IARS1: variants seen among roughly 807,000 people sequenced by gnomAD.
IARS1 encodes isoleucine--tRNA ligase, cytoplasmic.
In IARS1, 124 loss-of-function variants were observed where a neutral mutation model predicts 168.2. The ratio of observed to expected loss-of-function variants is 0.74; its 90% CI spans 0.64 to 0.86. The LOEUF is 0.86. Among genes scored for constraint, IARS1 ranks in the 40% least tolerant of loss-of-function variants. The probability of loss-of-function intolerance (pLI) is 0.00; values close to 1 mark genes in which losing one functional copy is unlikely to be tolerated. For synonymous variants in IARS1, 532 were observed against 529.4 expected (o/e 1.00, Z -0.07); for missense variants, 1,452 against 1,515.8 (o/e 0.96, Z 0.70).
At chr9:92,263,593 T>C (rs1295615282) in intron 16 of IARS1, among the ~76,000 whole-genome samples, 1 of 152,188 alleles carries the variant, frequency 6.6e-6, no homozygotes, top group Non-Finnish European at 1.5e-5. Flanking sequence ...CTGCCTCTCT[T>C]ACCTAGTCCT....
chr9:92,253,229 A>G (rs1470569846), intron 21 of IARS1, 133 bp downstream of exon 21: 1 of 669,004 alleles, frequency 1.5e-6, no homozygotes, highest in Non-Finnish European at 2.7e-6. Flanking sequence ...GCAATGTAAA[A>G]GGAAAAGAAA....
At chr9:92,282,518 C>T (rs1259998971) in intron 6 of IARS1, among the ~76,000 whole-genome samples, 3 of 151,958 alleles carry the variant, frequency 2.0e-5, no homozygotes, top group African/African-American at 7.3e-5. Flanking sequence ...TGCCTATAAT[C>T]CTGGCACTTT....
At chr9:92,251,039 A>G (rs1028919891) in intron 22 of IARS1, 16 of 617,836 alleles carry the variant, frequency 2.6e-5, no homozygotes, top group Middle Eastern at 2.6e-4. Context: ...AGAAAAACCC[A>G]AAGCACCTCT....
At chr9:92,272,865 A>C (rs1465571612) in intron 10 of IARS1, among the ~76,000 whole-genome samples, 2 of 33,072 alleles carry the variant, frequency 6.0e-5, no homozygotes, top group Non-Finnish European at 1.2e-4. Flanking sequence ...AAAACAAAAC[A>C]AAAAAAAAAA....
At position 92,271,063 on chromosome 9, in the gene IARS1, C is replaced by A; in HGVS notation, c.1127G>T (p.Ser376Ile). ...AGQYVKDADKSIIRTLKEQGR... is the reference protein window; with the variant it reads ...AGQYVKDADKIIIRTLKEQGR... ...TTGTTCCTTCAAAGTCCTGATGATA[C>A]TTTTGTCAGCATCCTATTAAAAAAA... Residue 376 changes from serine (S) to isoleucine (I), a missense_variant, in exon 12 of 34, where the codon AGT becomes ATT. Ser to Ile is a moderately radical substitution (Grantham distance 142, BLOSUM62 -2). Coordinates refer to ENST00000443024, the MANE Select transcript of IARS1 (RefSeq NM_002161.6). 6.2e-7 allele frequency: 1 copy of A among 1,602,326 alleles called. No homozygotes were observed. Among genetic ancestry groups the A allele is most frequent in the Non-Finnish European group, 8.5e-7 (1 of 1,173,900 alleles).
At chr9:92,271,846 C>G (rs561357410) in intron 10 of IARS1, among the ~76,000 whole-genome samples, 191 bp from the exon 11 acceptor site, 1 of 152,264 alleles carries the variant, frequency 6.6e-6, no homozygotes, top group South Asian at 2.1e-4. Context: ...GTTAGGTCAC[C>G]CAGTCTAGTC....
chr9:92,271,339 T>C (rs960232121), intron 11 of IARS1, among the ~76,000 whole-genome samples, 194 bp downstream of exon 11: 1 of 152,174 alleles, frequency 6.6e-6, no homozygotes, highest in East Asian at 1.9e-4. Context: ...TCTTTCCCCA[T>C]GAAATTTCAG....
intron 30 of IARS1, among the ~76,000 whole-genome samples, chr9:92,233,824 T>C (rs1196874581): frequency 1.3e-5 from 2 of 152,194 alleles, no homozygotes; most frequent in Non-Finnish European, 2.9e-5. Flanking sequence ...TATAGTGGCA[T>C]GATCATGGCT....
chr9:92,245,148 T>A (rs1412943319), intron 26 of IARS1, 77 bp from the exon 27 acceptor site: 2 of 1,121,338 alleles, frequency 1.8e-6, no homozygotes, highest in East Asian at 2.4e-5. Context: ...ATTATGCCCC[T>A]TCTTGATTAA....
chr9:92,244,205 T>C (rs1828854157), intron 27 of IARS1, among the ~76,000 whole-genome samples: 1 of 152,200 alleles, frequency 6.6e-6, no homozygotes. Context: ...AACTGCCCAC[T>C]GTCAGTGTTT....
chr9:92,280,868 A>G lies in IARS1; in HGVS notation c.623T>C (p.Val208Ala), dbSNP rs773967645. 3.4e-5 allele frequency: 55 copies of G among 1,611,446 alleles called. No homozygotes were observed. In the East Asian group the frequency reaches 1.2e-3, roughly 36 times the overall value. Residue 208 changes from valine (V) to alanine (A), a missense_variant, in exon 7 of 34, where the codon GTA becomes GCA. Physicochemically the swap from Val to Ala is moderately conservative, Grantham distance 64 (BLOSUM62 0). Coordinates refer to ENST00000443024, the MANE Select transcript of IARS1 (RefSeq NM_002161.6). ...YKDVQDPSVFVTFPLEEDETV... is the reference protein window; with the variant it reads ...YKDVQDPSVFATFPLEEDETV... Reference sequence around the variant, plus strand: ...TTCATCTTCTTCCAAAGGGAAAGTTACAAATACTGAAGGATCTTGAACATC... The same window carrying G: ...TTCATCTTCTTCCAAAGGGAAAGTTGCAAATACTGAAGGATCTTGAACATC...
chr9:92,247,888 A>G (rs570557803), intron 25 of IARS1, among the ~76,000 whole-genome samples: 2 of 152,390 alleles, frequency 1.3e-5, no homozygotes, highest in African/African-American at 4.8e-5. Flanking sequence ...AGGTTCGTGG[A>G]TGCCAGGAAA....
chr9:92,268,867 C>T (rs2133854862), intron 13 of IARS1, among the ~76,000 whole-genome samples: 1 of 152,158 alleles, frequency 6.6e-6, no homozygotes, highest in East Asian at 1.9e-4. Flanking sequence ...CTCCCTTCTG[C>T]ATCCATCCTC....
At chr9:92,269,463 C>G (rs1050889775) in intron 13 of IARS1, among the ~76,000 whole-genome samples, 2 of 152,146 alleles carry the variant, frequency 1.3e-5, no homozygotes, top group Non-Finnish European at 2.9e-5. Context: ...TACAGCCAAG[C>G]ACAGGGTACA....
intron 19 of IARS1, among the ~76,000 whole-genome samples, chr9:92,257,770 A>T (rs1234738623): frequency 6.6e-6 from 1 of 152,218 alleles, no homozygotes; most frequent in Non-Finnish European, 1.5e-5. Flanking sequence ...AGCAGGAATA[A>T]TATCTCATTT....
chr9:92,245,605 C>T (rs1829068911), intron 26 of IARS1, among the ~76,000 whole-genome samples: 3 of 152,026 alleles, frequency 2.0e-5, no homozygotes, highest in Admixed American at 6.6e-5. Flanking sequence ...ATAGGGAGGC[C>T]CACTGTTGTC....
chr9:92,286,488 A>G (rs966412049), intron 5 of IARS1, 48 bp downstream of exon 5: 5 of 992,158 alleles, frequency 5.0e-6, no homozygotes, highest in Non-Finnish European at 7.8e-6. Flanking sequence ...AATTATCAAT[A>G]CAACAGAATA....
At chr9:92,222,055 C>T (rs543886913) in intron 33 of IARS1, among the ~76,000 whole-genome samples, 70 of 152,188 alleles carry the variant, frequency 4.6e-4, no homozygotes, top group Admixed American at 1.2e-3. Flanking sequence ...TCACGGCTCA[C>T]GCCTGTAATC....
At chr9:92,245,832 T>C (rs1015297246) in intron 26 of IARS1, among the ~76,000 whole-genome samples, 6 of 151,616 alleles carry the variant, frequency 4.0e-5, no homozygotes, top group Non-Finnish European at 5.9e-5. Flanking sequence ...AGTGGCAGGA[T>C]CTCGGCTCAC....
Sources: allele counts gnomAD v4.1 joint callset (sites outside exome capture counted in the v4.1 genomes callset), GRCh38; gene constraint gnomAD v4.1.1; transcripts MANE v1.5; gene names NCBI Gene and HGNC (gene_info 2026-07-23, HGNC 2026-07-21).